The following EXD2 variants were observed in gnomAD, a reference collection of about 807,000 sequenced individuals.
The protein encoded by EXD2 is exonuclease 3'-5' domain containing 2, also known as exonuclease 3'-5' domain-containing protein 2.
A neutral mutation model predicts 62.5 loss-of-function variants in EXD2; 40 were observed. The observed-to-expected ratio is 0.64, with a 90% CI of 0.50 to 0.83. The LOEUF (loss-of-function observed/expected upper bound fraction) is 0.83, where lower values mean the gene tolerates loss of function less well. Among genes scored for constraint, EXD2 ranks in the 40% least tolerant of loss-of-function variants. The pLI is 0.00. For synonymous variants in EXD2, 239 were observed against 291.9 expected (o/e 0.82, Z 1.85); for missense variants, 671 against 761.8 (o/e 0.88, Z 1.40).
At chr14:69,199,889 A>C (rs116437244) in intron 1 of EXD2, among the ~76,000 whole-genome samples, 2,021 of 152,358 alleles carry the variant, frequency 0.013, 43 homozygotes, top group African/African-American at 0.047. Context: ...ATGGTAAATA[A>C]ATAAACCAGT....
intron 1 of EXD2, among the ~76,000 whole-genome samples, chr14:69,201,313 T>C (rs768181657): frequency 2.0e-5 from 3 of 151,924 alleles, no homozygotes; most frequent in Non-Finnish European, 4.4e-5. Flanking sequence ...CTCAGCCTCC[T>C]GAGTAACTGG....
intron 9 of EXD2, among the ~76,000 whole-genome samples, chr14:69,240,105 T>C (rs2043931381): frequency 6.6e-6 from 1 of 152,100 alleles, no homozygotes; most frequent in African/African-American, 2.4e-5. Context: ...CCAACACTGC[T>C]GGGGTGGCGG....
chr14:69,206,058 A>G lies in EXD2; in HGVS notation c.-48+2058A>G, dbSNP rs1194855469. On this transcript the variant is annotated intron_variant, in intron 2 of 9. Transcript: ENST00000685843. Reference sequence around the variant, plus strand: ...CTCAGCCTCTGGAGTAGCTGGGATTACAGGCATGCACCACCACACCTGGCT... The same window carrying G: ...CTCAGCCTCTGGAGTAGCTGGGATTGCAGGCATGCACCACCACACCTGGCT... Among the ~76,000 whole-genome samples the G allele has an allele frequency of 2.6e-5, 4 of 152,060 alleles. No individual in the cohort carries two copies. The East Asian group carries it at 7.7e-4, about 29-fold the overall frequency.
chr14:69,240,801 C>A, intron 9 of EXD2, 83 bp from the exon 10 acceptor site: 1 of 1,241,026 alleles, frequency 8.1e-7, no homozygotes. Flanking sequence ...CCCAGTTACC[C>A]TTGGCGCGCA....
intron 3 of EXD2, among the ~76,000 whole-genome samples, chr14:69,217,880 T>C (rs1346349760): frequency 1.3e-5 from 2 of 152,250 alleles, no homozygotes; most frequent in East Asian, 1.9e-4. Flanking sequence ...CATCCTTTTT[T>C]ATGGCTGCAT....
chr14:69,235,321 C>G (rs1280414384), intron 6 of EXD2, among the ~76,000 whole-genome samples: 1 of 152,174 alleles, frequency 6.6e-6, no homozygotes, highest in Non-Finnish European at 1.5e-5. Context: ...TAGGCCTTAA[C>G]TTCTCCAACT....
chr14:69,233,587 G>A (rs969684405), intron 5 of EXD2, among the ~76,000 whole-genome samples: 3 of 151,064 alleles, frequency 2.0e-5, no homozygotes, highest in Non-Finnish European at 4.4e-5. Context: ...TTACAGGCGC[G>A]TGCCACCGCG....
In EXD2 at chr14:69,198,435, C is replaced by T. The variant is rs142291910; in HGVS notation, c.-131-5482C>T. Among the ~76,000 whole-genome samples, 378 of 152,316 alleles carry T rather than the reference C, an allele frequency of 2.5e-3. 2 individuals carry two copies. Among genetic ancestry groups the T allele is most frequent in the African/African-American group, 7.8e-3 (324 of 41,572 alleles). On this transcript the variant is annotated intron_variant, in intron 1 of 9. Coordinates refer to ENST00000685843, the MANE Select transcript of EXD2 (RefSeq NM_001193360.2). ...GCCTACGGCCTTGCTCTCCTCCAGGCTAGCACCCACATTAGTACCATGGTG... is the reference window on the plus strand; with the variant it reads ...GCCTACGGCCTTGCTCTCCTCCAGGTTAGCACCCACATTAGTACCATGGTG...
intron 4 of EXD2, among the ~76,000 whole-genome samples, chr14:69,229,387 A>G (rs982439248): frequency 1.3e-5 from 2 of 152,184 alleles, no homozygotes; most frequent in Admixed American, 1.3e-4. Context: ...ATTTTTGGGA[A>G]TTTTTGTTTA....
intron 1 of EXD2, among the ~76,000 whole-genome samples, chr14:69,202,751 T>C (rs1214473613): frequency 6.6e-6 from 1 of 152,232 alleles, no homozygotes; most frequent in Non-Finnish European, 1.5e-5. Flanking sequence ...TGTAAAATTA[T>C]GTTTGAGAGG....
At chr14:69,198,647 T>C (rs924293507) in intron 1 of EXD2, among the ~76,000 whole-genome samples, 4 of 152,182 alleles carry the variant, frequency 2.6e-5, no homozygotes, top group African/African-American at 9.7e-5. Context: ...AATTTAAAAT[T>C]TTCTAGTAGC....
In EXD2 at chr14:69,228,861, G is replaced by C. The variant is rs992474661; in HGVS notation, c.379G>C (p.Ala127Pro). ...CAGCCCTCTGTCACTTCTACAAATGGCCTCCCCAAGTGGCCTGTGTGTCTT... is the reference window on the plus strand; with the variant it reads ...CAGCCCTCTGTCACTTCTACAAATGCCCTCCCCAAGTGGCCTGTGTGTCTT... ...KASPLSLLQMASPSGLCVLVR... is the reference protein window; with the variant it reads ...KASPLSLLQMPSPSGLCVLVR... The change falls in exon 4 of 10, where the codon GCC becomes CCC. Residue 127 changes from alanine to proline, a missense_variant. Coordinates refer to ENST00000685843, the MANE Select transcript of EXD2 (RefSeq NM_001193360.2). The C allele has an allele frequency of 5.0e-6, 8 of 1,614,010 alleles. No individual in the cohort carries two copies. In the African/African-American group the frequency reaches 1.1e-4, roughly 22 times the overall value.
intron 3 of EXD2, among the ~76,000 whole-genome samples, chr14:69,221,316 AT>A (rs2043176919): frequency 6.6e-6 from 1 of 152,372 alleles, no homozygotes; most frequent in South Asian, 2.1e-4. Context: ...TGGTGAAGCC[AT>A]CTGGAGTTCT....
At chr14:69,206,820 CTGA>C (rs1454855463) in intron 2 of EXD2, among the ~76,000 whole-genome samples, 3 of 152,144 alleles carry the variant, frequency 2.0e-5, no homozygotes, top group Non-Finnish European at 4.4e-5. Context: ...TTTCTGGCAC[CTGA>C]TGATTTCTTT....
At chr14:69,205,637 A>T (rs371743024) in intron 2 of EXD2, among the ~76,000 whole-genome samples, 1 of 151,678 alleles carries the variant, frequency 6.6e-6, no homozygotes, top group East Asian at 1.9e-4. Flanking sequence ...CACTATTTTT[A>T]TTGGCTTTAG....
intron 5 of EXD2, among the ~76,000 whole-genome samples, chr14:69,233,010 G>A (rs980838537): frequency 2.0e-5 from 3 of 152,250 alleles, no homozygotes; most frequent in Non-Finnish European, 4.4e-5. Flanking sequence ...TATAGTTTTA[G>A]CTCTTGCATT....
intron 3 of EXD2, among the ~76,000 whole-genome samples, chr14:69,217,783 T>C (rs995845967): frequency 6.6e-6 from 1 of 152,070 alleles, no homozygotes; most frequent in Non-Finnish European, 1.5e-5. Context: ...AGTGAGAACA[T>C]GCGGTGTTTG....
intron 2 of EXD2, 148 bp from the exon 3 acceptor site, chr14:69,209,276 C>T: frequency 2.2e-6 from 1 of 455,878 alleles, no homozygotes; most frequent in Non-Finnish European, 3.8e-6. Context: ...GAAATTAAAC[C>T]ATTGCTACTA....
chr14:69,205,182 C>T (rs965714721), intron 2 of EXD2, among the ~76,000 whole-genome samples: 20 of 152,062 alleles, frequency 1.3e-4, no homozygotes, highest in African/African-American at 4.3e-4. Flanking sequence ...CAGTCCATTC[C>T]CCATGTCTCT....
Sources: gnomAD v4.1 joint callset for allele counts (sites outside exome capture counted in the v4.1 genomes callset) on GRCh38, gnomAD v4.1.1 for gene constraint, MANE v1.5 for transcripts, NCBI Gene and HGNC (gene_info 2026-07-23, HGNC 2026-07-21) for gene names.